MAPKBP1: variants seen among roughly 807,000 people sequenced by gnomAD.
MAPKBP1 encodes the protein mitogen-activated protein kinase-binding protein 1.
In MAPKBP1, 71 loss-of-function variants were observed where a neutral mutation model predicts 170.5. That is an observed-to-expected ratio of 0.42 (90% CI 0.34 to 0.51). MAPKBP1 has a LOEUF of 0.51. Ranked by LOEUF, MAPKBP1 falls within the 20% of genes least tolerant of loss-of-function variation. MAPKBP1 has a pLI of 0.06. For missense variants in MAPKBP1, 1,598 were observed against 1,933.0 expected, an observed-to-expected ratio of 0.83 and a Z score of 3.25; for synonymous variants, 719 against 757.9, an observed-to-expected ratio of 0.95 and a Z score of 0.84.
intron 2 of MAPKBP1, among the ~76,000 whole-genome samples, chr15:41,795,371 T>C (rs765584012): frequency 6.6e-6 from 1 of 151,852 alleles, no homozygotes; most frequent in Non-Finnish European, 1.5e-5. Context: ...GAGGCTACAA[T>C]TGGCTTAAGG....
At chr15:41,801,476 A>G (rs966705839) in intron 3 of MAPKBP1, among the ~76,000 whole-genome samples, 1 of 152,138 alleles carries the variant, frequency 6.6e-6, no homozygotes, top group Non-Finnish European at 1.5e-5. Flanking sequence ...TCATTCCCCA[A>G]TGTAATTTTC....
At chr15:41,819,544 T>TGGGGG (rs200421549) in intron 21 of MAPKBP1, 51 bp from the exon 22 acceptor site, 4 of 912,550 alleles carry the variant, frequency 4.4e-6, no homozygotes, top group Non-Finnish European at 4.5e-6. Context: ...CAGGGTTGGG[T>TGGGGG]GGCGGGGGGG....
At position 41,775,310 on chromosome 15, in the gene MAPKBP1, T is replaced by A; in HGVS notation, c.35T>A (p.Ile12Asn). 1 of 1,614,058 alleles carries A rather than the reference T, an allele frequency of 6.2e-7. No homozygotes were observed. Among genetic ancestry groups the A allele is most frequent in the Non-Finnish European group, 8.5e-7 (1 of 1,180,012 alleles). ...AVEGSTITSR[I>N]KNLLRSPSIK... ...GAAGGGTCAACCATTACCAGCCGGA[T>A]CAAGAATCTGTTGAGATCTCCATCC... Residue 12 changes from isoleucine (I) to asparagine (N), a missense_variant, in exon 2 of 31, where the codon ATC becomes AAC. This residue lies in a region of MAPKBP1 where 151 missense variants were observed against 191.4 expected (regional missense o/e 0.79). Coordinates refer to ENST00000457542, the MANE Select transcript of MAPKBP1 (RefSeq NM_014994.3).
chr15:41,814,687 T>G lies in MAPKBP1; in HGVS notation c.1118T>G (p.Val373Gly), dbSNP rs768922161. 1.1e-5 allele frequency: 17 copies of G among 1,614,174 alleles called. No homozygotes were observed. The highest frequency in any genetic ancestry group is 1.4e-5 in the Non-Finnish European group (17 of 1,180,026). ...YVWDVRDPKKVGKVYSALYHS... is the reference protein window; with the variant it reads ...YVWDVRDPKKGGKVYSALYHS... ...TGGGATGTGAGGGACCCCAAGAAAGTGGGCAAGGTGTACTCGGCTCTGTAT... is the reference window on the plus strand; with the variant it reads ...TGGGATGTGAGGGACCCCAAGAAAGGGGGCAAGGTGTACTCGGCTCTGTAT... The change falls in exon 10 of 31, where the codon GTG (valine) becomes GGG (glycine). Residue 373 changes from valine to glycine, a missense_variant. By Grantham distance (109) the Val-to-Gly change is moderately radical. Transcript: ENST00000457542.
At position 41,809,879 on chromosome 15, in the gene MAPKBP1, G is replaced by A. The variant is rs1430270377; in HGVS notation, c.207-1004G>A. Among the ~76,000 whole-genome samples, 3 of 152,364 alleles carry A rather than the reference G, an allele frequency of 2.0e-5. No individual in the cohort carries two copies. In the East Asian group the frequency reaches 5.8e-4, roughly 29 times the overall value. Reference sequence around the variant, plus strand: ...AGAGTCCCTGATTCTGCTTCTGGCAGTCGGGGGGTTCTTCTCAGGTTTCTT... The same window carrying A: ...AGAGTCCCTGATTCTGCTTCTGGCAATCGGGGGGTTCTTCTCAGGTTTCTT... On this transcript the variant is annotated intron_variant, in intron 3 of 30. Transcript: ENST00000457542.
intron 9 of MAPKBP1, 44 bp downstream of exon 9, chr15:41,813,825 CT>C (rs757709995): frequency 2.5e-5 from 38 of 1,532,394 alleles, no homozygotes; most frequent in Non-Finnish European, 3.1e-5. Context: ...AGCCTTACCC[CT>C]GCCCAGTCTT....
chr15:41,819,438 G>A, intron 21 of MAPKBP1, 59 bp downstream of exon 21: 2 of 1,602,112 alleles, frequency 1.2e-6, no homozygotes, highest in Non-Finnish European at 1.7e-6. Context: ...GGCTAGATAT[G>A]GTTTTTCTGA....
intron 30 of MAPKBP1, 58 bp downstream of exon 30, chr15:41,824,627 C>G (rs944087768): frequency 2.0e-6 from 3 of 1,465,220 alleles, no homozygotes; most frequent in African/African-American, 1.4e-5. Context: ...CTGGGTGTTT[C>G]GGATAACCAT....
chr15:41,809,574 C>T (rs2064767356), intron 3 of MAPKBP1, among the ~76,000 whole-genome samples: 1 of 152,234 alleles, frequency 6.6e-6, no homozygotes, highest in Non-Finnish European at 1.5e-5. Flanking sequence ...TCTTTCTCTC[C>T]TCCCTGCCTT....
Position 41,817,408 on chromosome 15 carries a change from A to G in MAPKBP1, c.1732A>G (p.Met578Val). The change falls in exon 15 of 31, where the codon ATG becomes GTG. Residue 578 changes from methionine to valine, a missense_variant. By Grantham distance (21) the Met-to-Val change is conservative (BLOSUM62 1). Transcript: ENST00000457542. The surrounding 1 kb of genome is among the most constrained non-coding windows in gnomAD (Gnocchi z 4.2). ...KFAASDGQVR[M>V]ISCGADKSIY... is the part of the protein sequence containing the mutation. Reference sequence around the variant, plus strand: ...CATAGCCAGTGATGGGCAAGTCCGCATGATCAGCTGTGGAGCAGACAAGAG... The same window carrying G: ...CATAGCCAGTGATGGGCAAGTCCGCGTGATCAGCTGTGGAGCAGACAAGAG... 6.6e-7 allele frequency: 1 copy of G among 1,526,402 alleles called. No homozygotes were observed. The highest frequency in any genetic ancestry group is 8.9e-7 in the Non-Finnish European group (1 of 1,124,128). The allele number at this position is 1,526,402 out of a possible 1,614,324, so 94.6% of individuals were successfully genotyped here.
chr15:41,819,557 G>GGGGGGGGGGGGGC (rs1555454017), intron 21 of MAPKBP1, 38 bp from the exon 22 acceptor site: 4 of 1,384,790 alleles, frequency 2.9e-6, no homozygotes, highest in African/African-American at 1.5e-5. Context: ...CGGGGGGGGG[G>GGGGGGGGGGGGGC]CAGGAGACAC....
rs146990902 is a variant in MAPKBP1, at chr15:41,820,748, G to C, written c.2482-84G>C. 3.8e-4 allele frequency: 370 copies of C among 969,286 alleles called. 1 individual carries two copies. In the African/African-American group the frequency reaches 5.7e-3, roughly 15 times the overall value. The allele number at this position is 969,286 out of a possible 1,614,324, so 60.0% of individuals were successfully genotyped here. On this transcript the variant is annotated intron_variant, in intron 22 of 30. Coordinates refer to ENST00000457542, the MANE Select transcript of MAPKBP1 (RefSeq NM_014994.3). The stretch of plus-strand genomic sequence containing the variant: ...TAAGCTAGTATGTGTAGTGTGCCAG[G>C]CACATAGTAAGGGATATGTGGATAT...
chr15:41,810,801 G>C (rs994789163), intron 3 of MAPKBP1, 82 bp from the exon 4 acceptor site: 29 of 1,101,708 alleles, frequency 2.6e-5, no homozygotes, highest in Non-Finnish European at 4.0e-5. Context: ...TCTGCCGGGT[G>C]ACTGGAAGTC....
intron 2 of MAPKBP1, among the ~76,000 whole-genome samples, chr15:41,794,071 A>G (rs1188967996): frequency 6.6e-6 from 1 of 152,062 alleles, no homozygotes; most frequent in Non-Finnish European, 1.5e-5. Context: ...CTCCCCACTA[A>G]AAATACAAAA....
rs1480931202 is a variant in MAPKBP1 at position 41,821,640 on chromosome 15, C to T, written c.2775C>T (p.Ile925=). ...ASQPCSYPHI[I]RLLSQEEGVF... is the part of the protein sequence containing the mutation. ...AACCTTGTTCCTATCCCCATATTATCCGATTATTGTCACAAGAGGAAGGGG... is the reference window on the plus strand; with the variant it reads ...AACCTTGTTCCTATCCCCATATTATTCGATTATTGTCACAAGAGGAAGGGG... Residue 925 remains isoleucine, a synonymous_variant, in exon 24 of 31, where the codon ATC becomes ATT. Transcript: ENST00000457542. The T allele has an allele frequency of 6.2e-7, 1 of 1,614,088 alleles. No homozygotes were observed. Among genetic ancestry groups the T allele is most frequent in the East Asian group, 2.2e-5 (1 of 44,862 alleles).
intron 2 of MAPKBP1, among the ~76,000 whole-genome samples, chr15:41,775,797 T>C (rs12906768): frequency 6.6e-6 from 1 of 152,214 alleles, no homozygotes; most frequent in Non-Finnish European, 1.5e-5. Context: ...TGTAAGACTG[T>C]AGTGGCAGAA....
chr15:41,797,267 G>A (rs903394774), intron 2 of MAPKBP1, among the ~76,000 whole-genome samples: 1 of 152,160 alleles, frequency 6.6e-6, no homozygotes, highest in Non-Finnish European at 1.5e-5. Context: ...GGACGGAAGG[G>A]ATCAATGCAA....
chr15:41,778,021 C>T (rs2064125792), intron 2 of MAPKBP1, among the ~76,000 whole-genome samples: 1 of 152,144 alleles, frequency 6.6e-6, no homozygotes. Context: ...TTATCAGAGC[C>T]ACAGGGCTTT....
At chr15:41,786,775 A>ATATATATATATATATATATATAT (rs1402898570) in intron 2 of MAPKBP1, among the ~76,000 whole-genome samples, 5 of 12,448 alleles carry the variant, frequency 4.0e-4, no homozygotes, top group African/African-American at 1.1e-3. Flanking sequence ...AAAAAAAAAA[A>ATATATATATATATATATATATAT]AAATATATAT....
Sources: gnomAD v4.1 joint callset for allele counts (sites outside exome capture counted in the v4.1 genomes callset) on GRCh38, gnomAD v4.1.1 for gene constraint, gnomAD v4.1.1 regional missense constraint, Gnocchi (gnomAD v3.1) non-coding constraint, MANE v1.5 for transcripts, NCBI Gene and HGNC (gene_info 2026-07-23, HGNC 2026-07-21) for gene names.